Variants in ADAMTS17 observed in about 807,000 individuals in gnomAD.
The protein encoded by ADAMTS17 is ADAM metallopeptidase with thrombospondin type 1 motif 17.
In ADAMTS17, 113 loss-of-function variants were observed where a neutral mutation model predicts 141.5. The ratio of observed to expected loss-of-function variants is 0.80; its 90% CI spans 0.69 to 0.93. The LOEUF (loss-of-function observed/expected upper bound fraction) is 0.93. Ranked by LOEUF, ADAMTS17 falls within the 40% of genes least tolerant of loss-of-function variation. The pLI is 0.00. For synonymous variants in ADAMTS17, 768 were observed against 630.6 expected (o/e 1.22, Z -3.27); for missense variants, 1,659 against 1,517.9 (o/e 1.09, Z -1.54).
At position 100,281,346 on chromosome 15, in the gene ADAMTS17, G is replaced by A. The variant is rs553263613; in HGVS notation, c.672C>T (p.Asn224=). Residue 224 remains asparagine (N), a synonymous_variant, in exon 4 of 22, where the codon AAC becomes AAT. Coordinates refer to ENST00000268070, the MANE Select transcript of ADAMTS17 (RefSeq NM_139057.4). ...RPSRDWRERR[N]AIRLTSEHTV... The stretch of plus-strand genomic sequence containing the variant: ...TGTGCTCGCTGGTGAGCCGGATAGC[G>A]TTCCTCCGCTCCCGCCAGTCCCGCG... The A allele has an allele frequency of 1.7e-5, 28 of 1,610,588 alleles. No individual in the cohort carries two copies. Among genetic ancestry groups the A allele is most frequent in the East Asian group, 4.5e-5 (2 of 44,852 alleles).
At chr15:100,078,974 A>G (rs1018702739) in intron 15 of ADAMTS17, among the ~76,000 whole-genome samples, 3 of 152,266 alleles carry the variant, frequency 2.0e-5, no homozygotes, top group African/African-American at 4.8e-5. Flanking sequence ...TGCTAATGAT[A>G]TATTAGTCAT....
At chr15:100,212,423 A>G (rs2041838656) in intron 7 of ADAMTS17, among the ~76,000 whole-genome samples, 2 of 152,330 alleles carry the variant, frequency 1.3e-5, no homozygotes, top group African/African-American at 4.8e-5. Flanking sequence ...ACAAACTAAC[A>G]AGGCTCACGT....
intron 8 of ADAMTS17, among the ~76,000 whole-genome samples, chr15:100,175,544 C>A (rs1252322873): frequency 1.3e-5 from 2 of 152,164 alleles, no homozygotes; most frequent in African/African-American, 4.8e-5. Context: ...GGAGCCTGAA[C>A]AGCAGCTGAC....
Position 100,341,225 on chromosome 15 carries a change from G to T in ADAMTS17, c.264C>A (p.Phe88Leu). 7.0e-7 allele frequency: 1 copy of T among 1,436,200 alleles called. No homozygotes were observed. The highest frequency in any genetic ancestry group is 1.3e-5 in the South Asian group (1 of 75,106). The allele number at this position is 1,436,200 out of a possible 1,614,324, so 89.0% of individuals were successfully genotyped here. ...GCAGCTGAAGGTACAGGTCGCGCCCGAAGGCCGGCAGGTGCAGCAGCAGGG... is the reference window on the plus strand; with the variant it reads ...GCAGCTGAAGGTACAGGTCGCGCCCTAAGGCCGGCAGGTGCAGCAGCAGGG... ...ERALLLHLPA[F>L]GRDLYLQLRR... The change falls in exon 2 of 22, where the codon TTC (phenylalanine) becomes TTA (leucine). Residue 88 changes from phenylalanine (F) to leucine (L), a missense_variant. Phe to Leu is a conservative substitution (Grantham distance 22). Coordinates refer to ENST00000268070, the MANE Select transcript of ADAMTS17 (RefSeq NM_139057.4).
chr15:100,256,612 G>C (rs28409344), intron 6 of ADAMTS17: 11,909 of 152,294 alleles, frequency 0.078, 1,151 homozygotes, highest in African/African-American at 0.23. Context: ...AGAAGGTAAA[G>C]GGAAGGGTGC....
At chr15:99,984,139 G>A (rs966137344) in intron 20 of ADAMTS17, among the ~76,000 whole-genome samples, 5 of 152,220 alleles carry the variant, frequency 3.3e-5, no homozygotes, top group Non-Finnish European at 7.4e-5. Context: ...CTGAATTCGC[G>A]GCCTGCTGAC....
At chr15:100,099,063 T>C (rs1246666951) in intron 14 of ADAMTS17, among the ~76,000 whole-genome samples, 1 of 152,232 alleles carries the variant, frequency 6.6e-6, no homozygotes, top group Non-Finnish European at 1.5e-5. Flanking sequence ...CAACAGCTTC[T>C]AGATGCCCCA....
At chr15:100,163,802 C>T in intron 8 of ADAMTS17, among the ~76,000 whole-genome samples, 1 of 152,206 alleles carries the variant, frequency 6.6e-6, no homozygotes, top group Non-Finnish European at 1.5e-5. Flanking sequence ...TCTATTTTCA[C>T]CTTTCACCCT....
intron 8 of ADAMTS17, among the ~76,000 whole-genome samples, chr15:100,178,174 T>C (rs996251537): frequency 6.6e-6 from 1 of 152,192 alleles, no homozygotes; most frequent in Non-Finnish European, 1.5e-5. Flanking sequence ...TGAAAGCAAT[T>C]ACTGACATGT....
Position 100,155,201 on chromosome 15 carries a change from T to C in ADAMTS17, c.1301A>G (p.Asp434Gly). Reference sequence around the variant, plus strand: ...TTACTTGAGGAAGTTTTCAAGGTCATCTCGGCTGCAGGAGGACCAAGAGAG... The same window carrying C: ...TTACTTGAGGAAGTTTTCAAGGTCACCTCGGCTGCAGGAGGACCAAGAGAG... Reference protein sequence around the residue: ...SDLSWSSCSRDDLENFLKSKV... With the variant: ...SDLSWSSCSRGDLENFLKSKV... The change falls in exon 9 of 22, where the codon GAT becomes GGT. Residue 434 changes from aspartate (D) to glycine (G), a missense_variant. Asp to Gly is a moderately conservative substitution (Grantham distance 94). Transcript: ENST00000268070. 2 of 1,614,238 alleles carry C rather than the reference T, an allele frequency of 1.2e-6. No homozygotes were observed. Among genetic ancestry groups the C allele is most frequent in the Non-Finnish European group, 8.5e-7 (1 of 1,180,046 alleles).
Position 100,116,856 on chromosome 15 carries a change from C to T in ADAMTS17, c.1879G>A (p.Val627Met), listed in dbSNP as rs1361479482. The change falls in exon 13 of 22, where the codon GTG becomes ATG. Residue 627 changes from valine to methionine, a missense_variant. Transcript: ENST00000268070. Reference protein sequence around the residue: ...PKKKGLLTAVVVDDKPCELYC... With the variant: ...PKKKGLLTAVMVDDKPCELYC... ...TGCCATATGCCTTTACCGTCAACCA[C>T]CACGGCTGTCAGCAGGCCTTTCTTC... The T allele has an allele frequency of 1.2e-6, 2 of 1,614,062 alleles. No homozygotes were observed. The highest frequency in any genetic ancestry group is 8.5e-7 in the Non-Finnish European group (1 of 1,180,048).
At chr15:100,030,680 A>G (rs759774614) in intron 18 of ADAMTS17, among the ~76,000 whole-genome samples, 40 of 152,244 alleles carry the variant, frequency 2.6e-4, no homozygotes, top group Non-Finnish European at 5.0e-4. Flanking sequence ...GAGGTTAGAA[A>G]TGAACCACTC....
At chr15:100,154,907 G>GT (rs2039357462) in intron 9 of ADAMTS17, among the ~76,000 whole-genome samples, 1 of 152,320 alleles carries the variant, frequency 6.6e-6, no homozygotes, top group African/African-American at 2.4e-5. Flanking sequence ...AATGAAATGG[G>GT]TTTCTTTTCA....
chr15:99,975,343 G>C (rs1423475543), intron 21 of ADAMTS17, among the ~76,000 whole-genome samples: 2 of 152,148 alleles, frequency 1.3e-5, no homozygotes, highest in Non-Finnish European at 2.9e-5. Context: ...CTGAGGCGTG[G>C]GGACTACAGG....
chr15:100,001,242 C>T (rs2060915064), intron 18 of ADAMTS17, among the ~76,000 whole-genome samples: 1 of 152,116 alleles, frequency 6.6e-6, no homozygotes, highest in African/African-American at 2.4e-5. Context: ...CCACATCTCT[C>T]CTGAAGGAAA....
chr15:100,107,880 G>C (rs961441717), intron 14 of ADAMTS17, among the ~76,000 whole-genome samples: 8 of 152,168 alleles, frequency 5.3e-5, no homozygotes, highest in Admixed American at 3.3e-4. Context: ...AGCTGACTAA[G>C]ATGCTGGGGC....
chr15:100,079,265 T>C (rs2034577757), intron 15 of ADAMTS17, among the ~76,000 whole-genome samples: 1 of 152,184 alleles, frequency 6.6e-6, no homozygotes. Context: ...TATATCAGCA[T>C]TATTCCTAAC....
chr15:100,106,257 A>G (rs922358679), intron 14 of ADAMTS17, among the ~76,000 whole-genome samples: 5 of 152,156 alleles, frequency 3.3e-5, no homozygotes, highest in Non-Finnish European at 5.9e-5. Flanking sequence ...CAGCCCCTGG[A>G]TGTTGGATTT....
chr15:100,178,766 T>C (rs188881519), intron 8 of ADAMTS17, among the ~76,000 whole-genome samples: 27 of 152,296 alleles, frequency 1.8e-4, no homozygotes, highest in African/African-American at 6.5e-4. Context: ...TAGATTTCCT[T>C]TTTCTGAGAA....
Sources: allele counts gnomAD v4.1 joint callset (sites outside exome capture counted in the v4.1 genomes callset), GRCh38; gene constraint gnomAD v4.1.1; transcripts MANE v1.5; gene names NCBI Gene and HGNC (gene_info 2026-07-23, HGNC 2026-07-21).